ZFP36L2: variants seen among roughly 807,000 people sequenced by gnomAD.
The protein encoded by ZFP36L2 is mRNA decay activator protein ZFP36L2.
In ZFP36L2, 16 loss-of-function variants were observed where a neutral mutation model predicts 27.9. The ratio of observed to expected loss-of-function variants is 0.57; its 90% confidence interval spans 0.39 to 0.87. The LOEUF (loss-of-function observed/expected upper bound fraction) is 0.87, where lower values mean the gene tolerates loss of function less well. ZFP36L2 is among the 40% of genes least tolerant of loss of function. The pLI is 0.00. For synonymous variants in ZFP36L2, 600 were observed against 363.8 expected (o/e 1.65, Z -7.39); for missense variants, 989 against 726.9 (o/e 1.36, Z -4.15).
rs1433534714 is a variant in ZFP36L2 at position 43,226,409 on chromosome 2, G to A, written c.-94C>T. ...CCGGGCTTGAGCCACGACGAATAACGGGCGAGGGGCGGGGAGGGGCCGAAA... is the reference window on the plus strand; with the variant it reads ...CCGGGCTTGAGCCACGACGAATAACAGGCGAGGGGCGGGGAGGGGCCGAAA... On this transcript the variant is annotated 5_prime_UTR_variant, in exon 1 of 2. Transcript: ENST00000282388. 5 of 1,491,926 alleles carry A rather than the reference G, an allele frequency of 3.4e-6. No individual in the cohort carries two copies. The highest frequency in any genetic ancestry group is 2.5e-5 in the East Asian group (1 of 40,174). 92.4% of individuals were successfully genotyped at this position (1,491,926 alleles called of 1,614,324 possible).
In ZFP36L2 at chr2:43,224,880, C is replaced by G; in HGVS notation, c.924G>C (p.Ser308=). 6.6e-7 allele frequency: 1 copy of G among 1,514,178 alleles called. No homozygotes were observed. Among genetic ancestry groups the G allele is most frequent in the South Asian group, 1.2e-5 (1 of 81,184 alleles). 93.8% of individuals were successfully genotyped at this position (1,514,178 alleles called of 1,614,324 possible). The part of the protein sequence containing the change: ...SCSSSASSCS[S]ASAASTPSGA... ...CCGAGGGCGTGGAGGCCGCGGAGGC[C>G]GAGGAACAGGAGGAGGCGGAGGAGG... The change falls in exon 2 of 2, where the codon TCG becomes TCC. Residue 308 remains serine (S), a synonymous_variant. Coordinates refer to ENST00000282388, the MANE Select transcript of ZFP36L2 (RefSeq NM_006887.5).
rs771563054 is a variant in ZFP36L2, at chr2:43,225,456, C to T, written c.348G>A (p.Glu116=). The T allele has an allele frequency of 5.6e-6, 9 of 1,611,196 alleles. No homozygotes were observed. Among genetic ancestry groups the T allele is most frequent in the South Asian group, 5.5e-5 (5 of 90,934 alleles). Residue 116 remains glutamate, a synonymous_variant, in exon 2 of 2, where the codon GAG becomes GAA. Coordinates refer to ENST00000282388, the MANE Select transcript of ZFP36L2 (RefSeq NM_006887.5). ...GGGGTALLNK[E]NKFRDRSFSE... ...TAAACGAGCGGTCCCGGAATTTGTT[C>T]TCCTTGTTGAGCAGGGCTGTGCCGC...
Position 43,224,559 on chromosome 2 carries a change from C to T in ZFP36L2, c.1245G>A (p.Ala415=), listed in dbSNP as rs1164060943. 6.6e-6 allele frequency: 9 copies of T among 1,362,656 alleles called. No individual in the cohort carries two copies. The highest frequency in any genetic ancestry group is 8.4e-6 in the Non-Finnish European group (9 of 1,065,574). 84.4% of individuals were successfully genotyped at this position (1,362,656 alleles called of 1,614,324 possible). A position where few individuals can be genotyped will look rare whatever the true frequency, so the allele number is the denominator to read the frequency against. ...PPAQPPAPPS[A]TLPAGAAAPP... ...GTGCGGCGGCCCCGGCGGGGAGGGT[C>T]GCGCTGGGCGGCGCCGGCGGCTGCG... is the stretch of plus-strand genomic sequence containing the variant. The change falls in exon 2 of 2, where the codon GCG becomes GCA. Residue 415 remains alanine (A), a synonymous_variant. Transcript: ENST00000282388.
In ZFP36L2 at chr2:43,224,438, G is replaced by A. The variant is rs748600797; in HGVS notation, c.1366C>T (p.Arg456Cys). 7.9e-5 allele frequency: 121 copies of A among 1,536,150 alleles called. No individual in the cohort carries two copies. Among genetic ancestry groups the A allele is most frequent in the Non-Finnish European group, 1.0e-4 (115 of 1,147,498 alleles). Residue 456 changes from arginine (R) to cysteine (C), a missense_variant, in exon 2 of 2, where the codon CGC (arginine) becomes TGC (cysteine). By Grantham distance (180) the Arg-to-Cys change is radical. Coordinates refer to ENST00000282388, the MANE Select transcript of ZFP36L2 (RefSeq NM_006887.5). ...PPSPPDSLSD[R>C]DSYLSGSLSS... ...AGGGAGCCGCTTAGGTAGCTGTCGC[G>A]GTCCGACAGCGAGTCCGGGGGGCTG...
Position 43,224,291 on chromosome 2 carries a change from C to G in ZFP36L2, c.*28G>C, listed in dbSNP as rs542622432. ...CCTCCAACATCTCTGAACCGCCTTC[C>G]CTTCCTCCTCACTGGCGCCCTCTTG... On this transcript the variant is annotated 3_prime_UTR_variant, in exon 2 of 2. Transcript: ENST00000282388. 1.3e-6 allele frequency: 2 copies of G among 1,533,082 alleles called. No individual in the cohort carries two copies. Among genetic ancestry groups the G allele is most frequent in the Non-Finnish European group, 1.7e-6 (2 of 1,145,890 alleles). The allele number at this position is 1,533,082 out of a possible 1,614,324, so 95.0% of individuals were successfully genotyped here. A position where few individuals can be genotyped will look rare whatever the true frequency, so the allele number is the denominator to read the frequency against.
In ZFP36L2 at chr2:43,224,883, G is replaced by A. The variant is rs1398180054; in HGVS notation, c.921C>T (p.Ser307=). The part of the protein sequence containing the change: ...SSCSSSASSC[S]SASAASTPSG... ...AGGGCGTGGAGGCCGCGGAGGCCGA[G>A]GAACAGGAGGAGGCGGAGGAGGAGC... Residue 307 remains serine, a synonymous_variant, in exon 2 of 2, where the codon TCC becomes TCT. Transcript: ENST00000282388. The A allele has an allele frequency of 6.6e-7, 1 of 1,519,132 alleles. No homozygotes were observed. Among genetic ancestry groups the A allele is most frequent in the Non-Finnish European group, 8.7e-7 (1 of 1,149,474 alleles). 94.1% of individuals were successfully genotyped at this position (1,519,132 alleles called of 1,614,324 possible).
chr2:43,225,399 C>T lies in ZFP36L2; in HGVS notation c.405G>A (p.Leu135=), dbSNP rs200027926. The T allele has an allele frequency of 9.9e-6, 16 of 1,613,380 alleles. No homozygotes were observed. Among genetic ancestry groups the T allele is most frequent in the East Asian group, 4.5e-5 (2 of 44,858 alleles). ...CCCCCTTCTGCTGCTGCTGCAGGTG[C>T]AGGAGGTGCTGGCTGCGATCGCCGT... ...SENGDRSQHL[L]HLQQQQKGGG... Residue 135 remains leucine, a synonymous_variant, in exon 2 of 2, where the codon CTG becomes CTA. Coordinates refer to ENST00000282388, the MANE Select transcript of ZFP36L2 (RefSeq NM_006887.5).
In ZFP36L2 at chr2:43,224,935, G is replaced by A. The variant is rs749862332; in HGVS notation, c.869C>T (p.Pro290Leu). ...LDSPTSRTPP[P>L]PSCSSASSCS... ...GGACGAGGCCGAAGAGCAGGAGGGCGGCGGCGGCGTGCGCGACGTGGGGCT... is the reference window on the plus strand; with the variant it reads ...GGACGAGGCCGAAGAGCAGGAGGGCAGCGGCGGCGTGCGCGACGTGGGGCT... The change falls in exon 2 of 2, where the codon CCG becomes CTG. Residue 290 changes from proline (P) to leucine (L), a missense_variant. Pro to Leu is a moderately conservative substitution (Grantham distance 98). Transcript: ENST00000282388. 6 of 1,551,604 alleles carry A rather than the reference G, an allele frequency of 3.9e-6. No individual in the cohort carries two copies. The East Asian group carries it at 1.2e-4, about 31-fold the overall frequency.
chr2:43,222,707 T>C lies in ZFP36L2; in HGVS notation c.*1612A>G, dbSNP rs1442272096. The C allele has an allele frequency of 6.6e-6, 1 of 152,358 alleles. No homozygotes were observed. Among genetic ancestry groups the C allele is most frequent in the Admixed American group, 6.5e-5 (1 of 15,284 alleles). The allele number at this position is 152,358 out of a possible 1,614,324, so 9.4% of individuals were successfully genotyped here. On this transcript the variant is annotated 3_prime_UTR_variant, in exon 2 of 2. Transcript: ENST00000282388. Reference sequence around the variant, plus strand: ...GTACAAGTTTTGGAATTTTCTGTAATTAAACAAGGCATATTCATGTACTAC... The same window carrying C: ...GTACAAGTTTTGGAATTTTCTGTAACTAAACAAGGCATATTCATGTACTAC...
rs1340165898 is a variant in ZFP36L2 at position 43,224,931 on chromosome 2, G to C, written c.873C>G (p.Pro291=). The stretch of plus-strand genomic sequence containing the variant: ...AGCAGGACGAGGCCGAAGAGCAGGA[G>C]GGCGGCGGCGGCGTGCGCGACGTGG... ...DSPTSRTPPP[P]SCSSASSCSS... is the part of the protein sequence containing the mutation. The change falls in exon 2 of 2, where the codon CCC becomes CCG. Residue 291 remains proline, a synonymous_variant. Transcript: ENST00000282388. 6.4e-7 allele frequency: 1 copy of C among 1,550,426 alleles called. No individual in the cohort carries two copies. The highest frequency in any genetic ancestry group is 1.2e-5 in the South Asian group (1 of 85,294).
At chr2:43,226,006 C>A (rs371034667) in intron 1 of ZFP36L2, among the ~76,000 whole-genome samples, 1 of 151,738 alleles carries the variant, frequency 6.6e-6, no homozygotes, top group South Asian at 2.1e-4. Context: ...CCCCGGCTGC[C>A]GAGGTGGGCG....
Position 43,224,382 on chromosome 2 carries a change from A to C in ZFP36L2, c.1422T>G (p.Ser474=). 1.3e-6 allele frequency: 2 copies of C among 1,564,058 alleles called. No individual in the cohort carries two copies. Among genetic ancestry groups the C allele is most frequent in the Non-Finnish European group, 1.7e-6 (2 of 1,161,200 alleles). ...GGCGGCGGCCAGGGTCGAGGCTGGG[A>C]GACTCAGAGCCGCTGAGGCTGCCGG... ...LSSGSLSGSE[S]PSLDPGRRLP... The change falls in exon 2 of 2, where the codon TCT becomes TCG. Residue 474 remains serine (S), a synonymous_variant. Transcript: ENST00000282388.
In ZFP36L2 at chr2:43,224,916, G is replaced by A. The variant is rs758395053; in HGVS notation, c.888C>T (p.Ala296=). The A allele has an allele frequency of 8.4e-6, 13 of 1,551,768 alleles. No individual in the cohort carries two copies. The highest frequency in any genetic ancestry group is 4.7e-5 in the South Asian group (4 of 85,600). ...AGGAGGCGGAGGAGGAGCAGGACGAGGCCGAAGAGCAGGAGGGCGGCGGCG... is the reference window on the plus strand; with the variant it reads ...AGGAGGCGGAGGAGGAGCAGGACGAAGCCGAAGAGCAGGAGGGCGGCGGCG... ...RTPPPPSCSS[A]SSCSSSASSC... Residue 296 remains alanine, a synonymous_variant, in exon 2 of 2, where the codon GCC becomes GCT. Coordinates refer to ENST00000282388, the MANE Select transcript of ZFP36L2 (RefSeq NM_006887.5).
chr2:43,224,715 G>A lies in ZFP36L2; in HGVS notation c.1089C>T (p.Phe363=), dbSNP rs770672768. ...GGCTGCTGAGCTCCGGACCGAAGGCGAAGGCGTTGTTGGCGCACGAGGCCG... is the reference window on the plus strand; with the variant it reads ...GGCTGCTGAGCTCCGGACCGAAGGCAAAGGCGTTGTTGGCGCACGAGGCCG... ...CSSASCANNA[F]AFGPELSSLI... The change falls in exon 2 of 2, where the codon TTC becomes TTT. Residue 363 remains phenylalanine, a synonymous_variant. Transcript: ENST00000282388. 7.2e-6 allele frequency: 11 copies of A among 1,533,112 alleles called. No individual in the cohort carries two copies. The South Asian group carries it at 8.3e-5, about 12-fold the overall frequency. The allele number at this position is 1,533,112 out of a possible 1,614,324, so 95.0% of individuals were successfully genotyped here. A position where few individuals can be genotyped will look rare whatever the true frequency, so the allele number is the denominator to read the frequency against.
In ZFP36L2 at chr2:43,223,049, T is replaced by G. The variant is rs922432850; in HGVS notation, c.*1270A>C. 2.0e-5 allele frequency: 3 copies of G among 152,340 alleles called. No homozygotes were observed. The highest frequency in any genetic ancestry group is 6.5e-5 in the Admixed American group (1 of 15,280). The allele number at this position is 152,340 out of a possible 1,614,324, so 9.4% of individuals were successfully genotyped here. A position where few individuals can be genotyped will look rare whatever the true frequency, so the allele number is the denominator to read the frequency against. On this transcript the variant is annotated 3_prime_UTR_variant, in exon 2 of 2. Coordinates refer to ENST00000282388, the MANE Select transcript of ZFP36L2 (RefSeq NM_006887.5). ...AAAGCATGCCACATTTCAGCCTGAT[T>G]GCAAAGTATGTGGTCATTTTTTTCT...
chr2:43,225,390 C>CTGCAGG lies in ZFP36L2; in HGVS notation c.408_413dup (p.His136_Leu137dup). ...AGCCGCCGCCCCCCTTCTGCTGCTG[C>CTGCAGG]TGCAGGTGCAGGAGGTGCTGGCTGC... On this transcript the variant is annotated inframe_insertion, in exon 2 of 2. Coordinates refer to ENST00000282388, the MANE Select transcript of ZFP36L2 (RefSeq NM_006887.5). 1 of 1,613,582 alleles carries CTGCAGG rather than the reference C, an allele frequency of 6.2e-7. No individual in the cohort carries two copies. Among genetic ancestry groups the CTGCAGG allele is most frequent in the Non-Finnish European group, 8.5e-7 (1 of 1,179,934 alleles).
chr2:43,226,438 T>G lies in ZFP36L2; in HGVS notation c.-123A>C. ...GAGGGGCGGGGAGGGGCCGAAAGTT[T>G]GCCGGGGGGCGAGAGGAGAGGGCGA... is the stretch of plus-strand genomic sequence containing the variant. On this transcript the variant is annotated 5_prime_UTR_variant, in exon 1 of 2. Transcript: ENST00000282388. The G allele has an allele frequency of 7.0e-6, 9 of 1,289,466 alleles. No individual in the cohort carries two copies. Among genetic ancestry groups the G allele is most frequent in the Non-Finnish European group, 6.5e-6 (6 of 923,724 alleles). 79.9% of individuals were successfully genotyped at this position (1,289,466 alleles called of 1,614,324 possible).
Position 43,226,350 on chromosome 2 carries a change from C to G in ZFP36L2, c.-35G>C. ...TCCCGCAGTGGCCGGAGCGGCAGGC[C>G]GGGAGGTCGGGAGGAGCCCTTGGGG... On this transcript the variant is annotated 5_prime_UTR_variant, in exon 1 of 2. Transcript: ENST00000282388. The G allele has an allele frequency of 6.4e-7, 1 of 1,557,606 alleles. No homozygotes were observed.
At position 43,224,511 on chromosome 2, in the gene ZFP36L2, G is replaced by A. The variant is rs969454197; in HGVS notation, c.1293C>T (p.Phe431=). ...AGTCGGACAGGCGGCGCGGCAGCTGGAAGCTGAAGGGCGGCGAGGGAGGTG... is the reference window on the plus strand; with the variant it reads ...AGTCGGACAGGCGGCGCGGCAGCTGAAAGCTGAAGGGCGGCGAGGGAGGTG... ...AAAPPSPPFS[F]QLPRRLSDSP... Residue 431 remains phenylalanine (F), a synonymous_variant, in exon 2 of 2, where the codon TTC becomes TTT. Coordinates refer to ENST00000282388, the MANE Select transcript of ZFP36L2 (RefSeq NM_006887.5). The A allele has an allele frequency of 6.0e-6, 9 of 1,488,386 alleles. No homozygotes were observed. Among genetic ancestry groups the A allele is most frequent in the Non-Finnish European group, 8.0e-6 (9 of 1,124,762 alleles). The allele number at this position is 1,488,386 out of a possible 1,614,324, so 92.2% of individuals were successfully genotyped here. A position where few individuals can be genotyped will look rare whatever the true frequency, so the allele number is the denominator to read the frequency against.
Sources: allele counts gnomAD v4.1 joint callset (sites outside exome capture counted in the v4.1 genomes callset), GRCh38; gene constraint gnomAD v4.1.1; transcripts MANE v1.5; gene names NCBI Gene and HGNC (gene_info 2026-07-23, HGNC 2026-07-21).